The following CDC42EP4 variants were observed in gnomAD, a reference collection of about 807,000 sequenced individuals.
CDC42EP4 encodes the protein CDC42 effector protein (Rho GTPase binding) 4.
A neutral mutation model predicts 5.6 loss-of-function variants in CDC42EP4; 6 were observed. The ratio of observed to expected loss-of-function variants is 1.07; its 90% CI spans 0.59 to 2.12. The LOEUF (loss-of-function observed/expected upper bound fraction) is 2.12. Among genes scored for constraint, CDC42EP4 ranks in the 30% most tolerant of loss-of-function variants. CDC42EP4 has a pLI of 0.00. For synonymous variants in CDC42EP4, 230 were observed against 224.2 expected, an observed-to-expected ratio of 1.03 and a Z score of -0.23; for missense variants, 490 against 508.6, an observed-to-expected ratio of 0.96 and a Z score of 0.35.
At chr17:73,299,227 TC>T (rs1445369820) in intron 1 of CDC42EP4, among the ~76,000 whole-genome samples, 1 of 151,522 alleles carries the variant, frequency 6.6e-6, no homozygotes, top group African/African-American at 2.4e-5. Flanking sequence ...ATCGAGGCCA[TC>T]CTGGCTAACA....
chr17:73,301,915 C>A (rs1361721142), intron 1 of CDC42EP4, among the ~76,000 whole-genome samples: 3 of 152,198 alleles, frequency 2.0e-5, no homozygotes, highest in African/African-American at 7.2e-5. Context: ...GTCTTCAACT[C>A]TTGACCTTAG....
chr17:73,286,061 GC>G lies in CDC42EP4; in HGVS notation c.439del (p.Ala147ProfsTer41), dbSNP rs1427192083. ...CTCATCGCCGCCCTCCCCGTCATTG[GC>G]CTTCTTCACGGGGCTGGATGACAGG... ...KSLSSSPVKK[A>X]NDGEGGDEEA... On this transcript the variant is annotated frameshift_variant, in exon 2 of 2. Coordinates refer to ENST00000335793, the MANE Select transcript of CDC42EP4 (RefSeq NM_012121.5). LOFTEE classifies it low-confidence loss of function (END_TRUNC). This position sits in a 1 kb window ranked among gnomAD's most constrained non-coding sequence, Gnocchi z 7.7. 6.2e-7 allele frequency: 1 copy of G among 1,613,856 alleles called. No homozygotes were observed. Among genetic ancestry groups the G allele is most frequent in the Non-Finnish European group, 8.5e-7 (1 of 1,180,038 alleles).
chr17:73,284,653 C>T lies in CDC42EP4; in HGVS notation c.*777G>A, dbSNP rs1451015005. Reference sequence around the variant, plus strand: ...CATTCTGAGGCAGACCTATTAACACCATCCTGATATTGCTCTATAAGGATT... The same window carrying T: ...CATTCTGAGGCAGACCTATTAACACTATCCTGATATTGCTCTATAAGGATT... On this transcript the variant is annotated 3_prime_UTR_variant, in exon 2 of 2. Coordinates refer to ENST00000335793, the MANE Select transcript of CDC42EP4 (RefSeq NM_012121.5). The T allele has an allele frequency of 6.6e-6, 1 of 152,202 alleles. No individual in the cohort carries two copies. The highest frequency in any genetic ancestry group is 1.5e-5 in the Non-Finnish European group (1 of 68,046). 9.4% of individuals were successfully genotyped at this position (152,202 alleles called of 1,614,324 possible). A position where few individuals can be genotyped will look rare whatever the true frequency, so the allele number is the denominator to read the frequency against.
chr17:73,300,773 G>T (rs973491646), intron 1 of CDC42EP4, among the ~76,000 whole-genome samples: 5 of 152,052 alleles, frequency 3.3e-5, no homozygotes, highest in Non-Finnish European at 2.9e-5. Flanking sequence ...TAGGCAGGGC[G>T]CGGTGGCTCA....
chr17:73,307,490 C>A (rs1319499949), intron 1 of CDC42EP4, among the ~76,000 whole-genome samples: 3 of 150,502 alleles, frequency 2.0e-5, no homozygotes, highest in African/African-American at 7.3e-5. Flanking sequence ...CTCTGTCACC[C>A]AGGCTAGAAT....
intron 1 of CDC42EP4, among the ~76,000 whole-genome samples, chr17:73,292,099 G>A (rs780558792): frequency 1.4e-4 from 22 of 152,226 alleles, no homozygotes; most frequent in Non-Finnish European, 2.6e-4. Flanking sequence ...CGCCAGACCT[G>A]AGCTCTCATG....
chr17:73,292,786 A>G (rs774083223), intron 1 of CDC42EP4, among the ~76,000 whole-genome samples: 1 of 152,238 alleles, frequency 6.6e-6, no homozygotes, highest in Non-Finnish European at 1.5e-5. Context: ...CCATGCAGCC[A>G]GGGCCCAGGT....
rs1007280208 is a variant in CDC42EP4 at position 73,301,002 on chromosome 17, C to G, written c.-113+10891G>C. Reference sequence around the variant, plus strand: ...CAGAGTTTGCGGTGAGCAGAGATCACGCCATTGCACTCCAGCCTGGGCAAA... The same window carrying G: ...CAGAGTTTGCGGTGAGCAGAGATCAGGCCATTGCACTCCAGCCTGGGCAAA... On this transcript the variant is annotated intron_variant, in intron 1 of 1. Transcript: ENST00000335793. Among the ~76,000 whole-genome samples the G allele has an allele frequency of 4.0e-5, 6 of 150,492 alleles. No individual in the cohort carries two copies. The East Asian group carries it at 1.2e-3, about 29-fold the overall frequency.
At position 73,285,736 on chromosome 17, in the gene CDC42EP4, G is replaced by C. The variant is rs137870769; in HGVS notation, c.765C>G (p.Tyr255Ter). The C allele has an allele frequency of 1.9e-6, 3 of 1,585,168 alleles. No individual in the cohort carries two copies. In the South Asian group the frequency reaches 3.4e-5, roughly 18 times the overall value. Reference protein sequence around the residue: ...AAGTITQAPPYAVAAPPLARQ... With the variant: ...AAGTITQAPP ...TTGCCAGGGGAGGGGCCGCCACGGC[G>C]TACGGGGGAGCCTGGGTGATGGTGC... The change falls in exon 2 of 2, where the codon TAC (tyrosine) becomes TAG (stop). Residue 255 changes from tyrosine to a stop codon, truncating the protein, a stop_gained. Transcript: ENST00000335793. LOFTEE classifies it high-confidence loss of function. The surrounding 1 kb of genome is among the most constrained non-coding windows in gnomAD (Gnocchi z 6.8).
At position 73,286,182 on chromosome 17, in the gene CDC42EP4, G is replaced by A. The variant is rs750156254; in HGVS notation, c.319C>T (p.Arg107Trp). The A allele has an allele frequency of 4.2e-5, 68 of 1,614,108 alleles. 1 individual carries two copies. Among genetic ancestry groups the A allele is most frequent in the South Asian group, 1.1e-4 (10 of 91,086 alleles). The change falls in exon 2 of 2, where the codon CGG (arginine) becomes TGG (tryptophan). Residue 107 changes from arginine (R) to tryptophan (W), a missense_variant. Arg to Trp is a moderately radical substitution (Grantham distance 101). Transcript: ENST00000335793. The surrounding 1 kb of genome is among the most constrained non-coding windows in gnomAD (Gnocchi z 7.7). ...REQRDMLGSLRDSALFVKNAM... is the reference protein window; with the variant it reads ...REQRDMLGSLWDSALFVKNAM... ...TTCTTGACAAACAGGGCCGAGTCCC[G>A]CAGGGAGCCCAGCATGTCACGCTGC... is the stretch of plus-strand genomic sequence containing the variant.
chr17:73,289,721 G>GGGAGGAAGGGAGGGAGGGAGGAAGGGAT (rs1259529965), intron 1 of CDC42EP4, among the ~76,000 whole-genome samples: 14 of 140,330 alleles, frequency 1.0e-4, no homozygotes, highest in Middle Eastern at 3.6e-3. Flanking sequence ...AAAACAGGAA[G>GGGAGGAAGGGAGGGAGGGAGGAAGGGAT]GGAGGAAGGG....
chr17:73,285,559 G>A lies in CDC42EP4; in HGVS notation c.942C>T (p.Thr314=), dbSNP rs896970425. 6.2e-7 allele frequency: 1 copy of A among 1,612,094 alleles called. No individual in the cohort carries two copies. The part of the protein sequence containing the change: ...TRDSSSLSSC[T]SGILEERSPA... ...GGCTGCGCTCCTCCAGGATGCCTGA[G>A]GTGCAGCTGGAGAGGGAGCTGCTGT... The change falls in exon 2 of 2, where the codon ACC becomes ACT. Residue 314 remains threonine, a synonymous_variant. Transcript: ENST00000335793. This position sits in a 1 kb window ranked among gnomAD's most constrained non-coding sequence, Gnocchi z 6.8.
Position 73,294,837 on chromosome 17 carries a change from T to A in CDC42EP4, c.-112-8225A>T, listed in dbSNP as rs149733453. ...TTCTTTCTTTTTTTTGAGACAGAGTTTCGCTCTTGTTGCCCATGCTGGAAT... is the reference window on the plus strand; with the variant it reads ...TTCTTTCTTTTTTTTGAGACAGAGTATCGCTCTTGTTGCCCATGCTGGAAT... On this transcript the variant is annotated intron_variant, in intron 1 of 1. Coordinates refer to ENST00000335793, the MANE Select transcript of CDC42EP4 (RefSeq NM_012121.5). Among the ~76,000 whole-genome samples, 746 of 152,082 alleles carry A rather than the reference T, an allele frequency of 4.9e-3. 6 individuals carry two copies. The highest frequency in any genetic ancestry group is 0.017 in the African/African-American group (724 of 41,472).
intron 1 of CDC42EP4, among the ~76,000 whole-genome samples, chr17:73,300,865 G>C (rs1372687713): frequency 6.6e-6 from 1 of 152,068 alleles, no homozygotes; most frequent in Admixed American, 6.6e-5. Context: ...CGGCCAGCAT[G>C]GTGAAACCCC....
chr17:73,300,347 G>C (rs1011400080), intron 1 of CDC42EP4, among the ~76,000 whole-genome samples: 12 of 152,168 alleles, frequency 7.9e-5, no homozygotes, highest in Non-Finnish European at 1.8e-4. Context: ...ATCCCTACCG[G>C]GTGTGGGTCA....
In CDC42EP4 at chr17:73,285,747, C is replaced by T. The variant is rs995362729; in HGVS notation, c.754G>A (p.Ala252Thr). The change falls in exon 2 of 2, where the codon GCT (alanine) becomes ACT (threonine). Residue 252 changes from alanine to threonine, a missense_variant. By Grantham distance (58) the Ala-to-Thr change is moderately conservative (BLOSUM62 0). Coordinates refer to ENST00000335793, the MANE Select transcript of CDC42EP4 (RefSeq NM_012121.5). This position sits in a 1 kb window ranked among gnomAD's most constrained non-coding sequence, Gnocchi z 6.8. ...GGGGCCGCCACGGCGTACGGGGGAG[C>T]CTGGGTGATGGTGCCAGCGGCGCCC... Reference protein sequence around the residue: ...DEGAAGTITQAPPYAVAAPPL... With the variant: ...DEGAAGTITQTPPYAVAAPPL... The T allele has an allele frequency of 6.3e-7, 1 of 1,590,116 alleles. No individual in the cohort carries two copies. Among genetic ancestry groups the T allele is most frequent in the Non-Finnish European group, 8.6e-7 (1 of 1,162,734 alleles).
Position 73,285,557 on chromosome 17 carries a change from G to A in CDC42EP4, c.944C>T (p.Ser315Leu). The change falls in exon 2 of 2, where the codon TCA becomes TTA. Residue 315 changes from serine (S) to leucine (L), a missense_variant. Coordinates refer to ENST00000335793, the MANE Select transcript of CDC42EP4 (RefSeq NM_012121.5). The surrounding 1 kb of genome is among the most constrained non-coding windows in gnomAD (Gnocchi z 6.8). Reference sequence around the variant, plus strand: ...AGGGCTGCGCTCCTCCAGGATGCCTGAGGTGCAGCTGGAGAGGGAGCTGCT... The same window carrying A: ...AGGGCTGCGCTCCTCCAGGATGCCTAAGGTGCAGCTGGAGAGGGAGCTGCT... The part of the protein sequence containing the change: ...RDSSSLSSCT[S>L]GILEERSPAF... 6.2e-7 allele frequency: 1 copy of A among 1,612,138 alleles called. No homozygotes were observed.
At chr17:73,296,905 C>G (rs1338966459) in intron 1 of CDC42EP4, among the ~76,000 whole-genome samples, 2 of 139,420 alleles carry the variant, frequency 1.4e-5, no homozygotes, top group East Asian at 4.6e-4. Flanking sequence ...GGCGTGAACC[C>G]GGGAGGCGGA....
intron 1 of CDC42EP4, among the ~76,000 whole-genome samples, chr17:73,295,830 G>A (rs1264509928): frequency 6.6e-6 from 1 of 151,388 alleles, no homozygotes; most frequent in Non-Finnish European, 1.5e-5. Context: ...GCTTGAACCT[G>A]GGAGGCAGAG....
Sources: allele counts gnomAD v4.1 joint callset (sites outside exome capture counted in the v4.1 genomes callset), GRCh38; gene constraint gnomAD v4.1.1; non-coding constraint Gnocchi (gnomAD v3.1); transcripts MANE v1.5; gene names NCBI Gene and HGNC (gene_info 2026-07-23, HGNC 2026-07-21).